RBFOX1: variants seen among roughly 807,000 people sequenced by gnomAD.
RBFOX1 encodes the protein RNA binding fox-1 homolog 1.
In RBFOX1, 8 loss-of-function variants were observed where a neutral mutation model predicts 57.7. The ratio of observed to expected loss-of-function variants is 0.14; its 90% CI spans 0.08 to 0.25. The LOEUF is 0.25. Ranked by LOEUF, RBFOX1 falls within the 10% of genes least tolerant of loss-of-function variation. The pLI is 1.00. For synonymous variants in RBFOX1, 326 were observed against 222.4 expected (o/e 1.47, Z -4.15); for missense variants, 611 against 548.5 (o/e 1.11, Z -1.14).
At chr16:5,967,239 T>A (rs1048159645) in intron 4 of RBFOX1, among the ~76,000 whole-genome samples, 1 of 152,198 alleles carries the variant, frequency 6.6e-6, no homozygotes, top group Admixed American at 6.5e-5. Context: ...AAAGCTTTTT[T>A]GATCTACTAA....
chr16:6,001,355 C>T (rs1169106610), intron 4 of RBFOX1, among the ~76,000 whole-genome samples: 1 of 152,030 alleles, frequency 6.6e-6, no homozygotes. Flanking sequence ...TCTTTATTGC[C>T]AGTAAAGAAA....
intron 3 of RBFOX1, among the ~76,000 whole-genome samples, chr16:5,753,911 A>G (rs896146070): frequency 1.3e-5 from 2 of 152,088 alleles, no homozygotes; most frequent in African/African-American, 2.4e-5. Flanking sequence ...AGCAGGGACA[A>G]TACAGGATTC....
At chr16:7,441,155 T>C (rs1197049720) in intron 4 of RBFOX1, among the ~76,000 whole-genome samples, 3 of 152,196 alleles carry the variant, frequency 2.0e-5, no homozygotes, top group African/African-American at 7.2e-5. Flanking sequence ...ACCAGGGTTC[T>C]CCTGCTCACC....
chr16:7,637,951 T>C (rs562039684), intron 11 of RBFOX1, among the ~76,000 whole-genome samples: 1 of 152,380 alleles, frequency 6.6e-6, no homozygotes, highest in East Asian at 1.9e-4. Context: ...TATTCCTTTT[T>C]CCTTTTGGAG....
At chr16:7,379,047 A>C (rs2097737422) in intron 4 of RBFOX1, among the ~76,000 whole-genome samples, 1 of 152,218 alleles carries the variant, frequency 6.6e-6, no homozygotes, top group Non-Finnish European at 1.5e-5. Context: ...TGGCAATATT[A>C]ACAGTACTTA....
chr16:6,585,988 A>G (rs1208306560), intron 2 of RBFOX1, among the ~76,000 whole-genome samples: 1 of 152,214 alleles, frequency 6.6e-6, no homozygotes, highest in Non-Finnish European at 1.5e-5. Flanking sequence ...AAACAGTGGA[A>G]TACATGTTGC....
At chr16:7,520,652 G>T (rs1200439048) in intron 5 of RBFOX1, among the ~76,000 whole-genome samples, 1 of 152,174 alleles carries the variant, frequency 6.6e-6, no homozygotes, top group Non-Finnish European at 1.5e-5. Context: ...TTTGTATTTA[G>T]TTGCTGTGCC....
At chr16:6,079,851 A>C (rs1351495635) in intron 1 of RBFOX1, among the ~76,000 whole-genome samples, 3 of 152,168 alleles carry the variant, frequency 2.0e-5, no homozygotes, top group Non-Finnish European at 4.4e-5. Context: ...AAAAAGAAAA[A>C]GCCTTTTTCT....
At chr16:6,616,764 A>G (rs1204756185) in intron 2 of RBFOX1, among the ~76,000 whole-genome samples, 1 of 152,210 alleles carries the variant, frequency 6.6e-6, no homozygotes, top group Non-Finnish European at 1.5e-5. Context: ...TGCAAAAGGC[A>G]GGGCTTTTCT....
chr16:5,244,504 T>A (rs2062246423), intron 1 of RBFOX1, among the ~76,000 whole-genome samples: 1 of 152,236 alleles, frequency 6.6e-6, no homozygotes, highest in Admixed American at 6.5e-5. Context: ...CTCCCTGAGA[T>A]AGGGTGTTTG....
At chr16:7,303,771 C>T (rs1366242200) in intron 4 of RBFOX1, among the ~76,000 whole-genome samples, 2 of 151,274 alleles carry the variant, frequency 1.3e-5, no homozygotes, top group Non-Finnish European at 3.0e-5. Flanking sequence ...CTCTCTCTCT[C>T]TCTCTCTCTC....
chr16:6,839,338 T>C (rs1048125230), intron 3 of RBFOX1, among the ~76,000 whole-genome samples: 1 of 152,144 alleles, frequency 6.6e-6, no homozygotes, highest in South Asian at 2.1e-4. Context: ...CTCACTCTAC[T>C]ATTAACCCCA....
At chr16:6,828,604 A>G (rs370170814) in intron 3 of RBFOX1, among the ~76,000 whole-genome samples, 1 of 151,994 alleles carries the variant, frequency 6.6e-6, no homozygotes. Flanking sequence ...GGCATGGACC[A>G]AGCTGGCTAA....
intron 3 of RBFOX1, among the ~76,000 whole-genome samples, chr16:5,793,110 G>A (rs537118549): frequency 3.9e-5 from 6 of 152,238 alleles, no homozygotes; most frequent in Non-Finnish European, 7.4e-5. Flanking sequence ...TCCAGGTGTC[G>A]GTAGGGAACC....
intron 10 of RBFOX1, among the ~76,000 whole-genome samples, chr16:7,617,161 C>G (rs145779266): frequency 6.6e-6 from 1 of 152,094 alleles, no homozygotes; most frequent in African/African-American, 2.4e-5. Flanking sequence ...TAGCTTAAAG[C>G]AGGGGTCTTC....
chr16:7,333,102 T>G, intron 4 of RBFOX1: 2 of 1,610,388 alleles, frequency 1.2e-6, no homozygotes, highest in African/African-American at 2.7e-5. Context: ...ATTCAAGGCC[T>G]CTGCCAGCCA....
intron 1 of RBFOX1, among the ~76,000 whole-genome samples, chr16:5,298,447 C>A (rs1354985561): frequency 9.8e-6 from 1 of 101,758 alleles, no homozygotes; most frequent in Non-Finnish European, 1.9e-5. Context: ...CTCCCCTCCC[C>A]TCCCCTCCTT....
intron 1 of RBFOX1, among the ~76,000 whole-genome samples, chr16:6,205,632 G>C (rs1475545751): frequency 1.3e-5 from 2 of 152,006 alleles, no homozygotes; most frequent in Non-Finnish European, 2.9e-5. Flanking sequence ...TAAAGGCTGT[G>C]AGTCTTCATA....
At chr16:6,478,449 TA>T (rs2095319413) in intron 2 of RBFOX1, among the ~76,000 whole-genome samples, 1 of 115,226 alleles carries the variant, frequency 8.7e-6, no homozygotes, top group African/African-American at 3.6e-5. Flanking sequence ...TTTTTTTTTG[TA>T]TTTTTAGTAG....
Sources: gnomAD v4.1 joint callset for allele counts (sites outside exome capture counted in the v4.1 genomes callset) on GRCh38, gnomAD v4.1.1 for gene constraint, MANE v1.5 for transcripts, NCBI Gene and HGNC (gene_info 2026-07-23, HGNC 2026-07-21) for gene names.